Variants in JAKMIP3 observed in about 807,000 individuals in gnomAD.
JAKMIP3 encodes janus kinase and microtubule-interacting protein 3.
In JAKMIP3, 58 loss-of-function variants were observed where a neutral mutation model predicts 118.5. The ratio of observed to expected loss-of-function variants is 0.49; its 90% CI spans 0.40 to 0.61. The LOEUF (loss-of-function observed/expected upper bound fraction) is 0.61. JAKMIP3 is among the 20% of genes least tolerant of loss of function. JAKMIP3 has a pLI of 0.00. For synonymous variants in JAKMIP3, 486 were observed against 451.2 expected, an observed-to-expected ratio of 1.08 and a Z score of -0.98; for missense variants, 950 against 1,109.0, an observed-to-expected ratio of 0.86 and a Z score of 2.04.
chr10:132,107,048 TA>T (rs1402814643), intron 2 of JAKMIP3, among the ~76,000 whole-genome samples: 32 of 107,474 alleles, frequency 3.0e-4, no homozygotes, highest in Non-Finnish European at 3.6e-4. Context: ...CATGTCCGGC[TA>T]TTTTTTTTTT....
At chr10:132,096,196 C>A (rs2043836684) in intron 1 of JAKMIP3, among the ~76,000 whole-genome samples, 1 of 152,218 alleles carries the variant, frequency 6.6e-6, no homozygotes. Context: ...AAATCATGCA[C>A]AATTTTGTTT....
chr10:132,117,285 G>A lies in JAKMIP3; in HGVS notation c.344G>A (p.Arg115Gln), dbSNP rs373833963. 9.2e-5 allele frequency: 148 copies of A among 1,613,968 alleles called. No homozygotes were observed. The highest frequency in any genetic ancestry group is 1.2e-4 in the Non-Finnish European group (140 of 1,179,894). ...AAGATCAAGGACAACGAGAACCAGC[G>A]GCTGCAGGCACTGCTCAGTGCCCTG... Reference protein sequence around the residue: ...VIKIKDNENQRLQALLSALRD... With the variant: ...VIKIKDNENQQLQALLSALRD... Residue 115 changes from arginine (R) to glutamine (Q), a missense_variant, in exon 3 of 24, where the codon CGG becomes CAG. By Grantham distance (43) the Arg-to-Gln change is conservative. Transcript: ENST00000684848. This position sits in a 1 kb window ranked among gnomAD's most constrained non-coding sequence, Gnocchi z 8.6.
At chr10:132,136,658 G>A (rs2051854572) in intron 6 of JAKMIP3, among the ~76,000 whole-genome samples, 1 of 152,192 alleles carries the variant, frequency 6.6e-6, no homozygotes, top group Admixed American at 6.5e-5. Context: ...TTTTCACACT[G>A]AATTAGAGTC....
chr10:132,133,140 G>T (rs1322324833), intron 3 of JAKMIP3, among the ~76,000 whole-genome samples, 172 bp from the exon 4 acceptor site: 1 of 152,176 alleles, frequency 6.6e-6, no homozygotes, highest in African/African-American at 2.4e-5. Flanking sequence ...CCTGCTGGGA[G>T]CCCGGGTGTC....
intron 2 of JAKMIP3, among the ~76,000 whole-genome samples, chr10:132,105,275 T>C (rs1397975905): frequency 1.3e-5 from 2 of 152,254 alleles, no homozygotes; most frequent in Non-Finnish European, 2.9e-5. Flanking sequence ...GGACGCTGAC[T>C]TTCCCACTGC....
intron 2 of JAKMIP3, 145 bp downstream of exon 2, chr10:132,105,088 G>GT: frequency 1.0e-6 from 1 of 952,448 alleles, no homozygotes; most frequent in South Asian, 1.7e-5. Flanking sequence ...AGACCACTTG[G>GT]TGGGGGGTGG....
intron 9 of JAKMIP3, 134 bp downstream of exon 9, chr10:132,138,312 G>A: frequency 1.3e-6 from 1 of 787,566 alleles, no homozygotes. Flanking sequence ...CTGGGTGTGT[G>A]TGCCGAGGAC....
chr10:132,059,519 C>T (rs925191985), intron 1 of JAKMIP3, among the ~76,000 whole-genome samples: 1 of 152,264 alleles, frequency 6.6e-6, no homozygotes, highest in African/African-American at 2.4e-5. Context: ...GGAGGCCAGG[C>T]TCAGCCCTGA....
rs201875064 is a variant in JAKMIP3, at chr10:132,154,002, G to A, written c.2220+12G>A. 3.4e-5 allele frequency: 55 copies of A among 1,612,050 alleles called. No homozygotes were observed. Among genetic ancestry groups the A allele is most frequent in the East Asian group, 8.9e-5 (4 of 44,870 alleles). ...ACCAGGCCAACAAGGTGAGAGGCAC[G>A]AGACTGCTGGAACCCCGGGGAGGGG... is the stretch of plus-strand genomic sequence containing the variant. On this transcript the variant is annotated intron_variant, in intron 19 of 23. Coordinates refer to ENST00000684848, the MANE Select transcript of JAKMIP3 (RefSeq NM_001323087.2).
intron 1 of JAKMIP3, among the ~76,000 whole-genome samples, chr10:132,086,805 ACCCATTCTGCAATT>A (rs1347542488): frequency 6.6e-6 from 1 of 152,138 alleles, no homozygotes; most frequent in African/African-American, 2.4e-5. Context: ...GTGAATTCTT[ACCCATTCTGCAATT>A]CTGTATCTTT....
At chr10:132,102,638 C>T (rs8181324) in intron 1 of JAKMIP3, among the ~76,000 whole-genome samples, 62,488 of 152,010 alleles carry the variant, frequency 0.41, 13,611 homozygotes, top group African/African-American at 0.54. Flanking sequence ...TCCCAGGTGA[C>T]GGGTCACCTC....
chr10:132,177,640 C>T (rs2060283120), intron 23 of JAKMIP3, among the ~76,000 whole-genome samples: 1 of 147,096 alleles, frequency 6.8e-6, no homozygotes, highest in South Asian at 2.2e-4. Flanking sequence ...TACACTTGCT[C>T]CTGTGTCCTG....
chr10:132,121,497 G>A (rs1168293871), intron 3 of JAKMIP3, among the ~76,000 whole-genome samples: 3 of 152,222 alleles, frequency 2.0e-5, no homozygotes, highest in Non-Finnish European at 2.9e-5. Context: ...ACCGGGCCCT[G>A]GGTGAGGACG....
chr10:132,096,261 T>C (rs897759796), intron 1 of JAKMIP3, among the ~76,000 whole-genome samples: 1 of 152,276 alleles, frequency 6.6e-6, no homozygotes, highest in African/African-American at 2.4e-5. Context: ...CATAACATGC[T>C]CAGTGGTTTA....
At position 132,171,787 on chromosome 10, in the gene JAKMIP3, G is replaced by A. The variant is rs11146229; in HGVS notation, c.*1103+2754G>A. ...CTCCTGCCTCAGCCTCCCGAGTAGC[G>A]GGGATTACAGGCAGGCACCACCACA... On this transcript the variant is annotated intron_variant, in intron 23 of 23. Transcript: ENST00000684848. 0.058 allele frequency among the ~76,000 whole-genome samples: 8,727 copies of A among 151,586 alleles called. 1,072 individuals carry two copies. The East Asian group carries it at 0.58, about 10-fold the overall frequency.
At position 132,163,350 on chromosome 10, in the gene JAKMIP3, C is replaced by T. The variant is rs1219437187; in HGVS notation, c.2362C>T (p.Leu788=). ...GTGGAAGCGCCAGGTCATGAGTGAG[C>T]TGCGCGAGCGGGACGCCCAGATCCT... ...EQWKRQVMSE[L]RERDAQILRE... The change falls in exon 20 of 24, where the codon CTG becomes TTG. Residue 788 remains leucine (L), a synonymous_variant. Coordinates refer to ENST00000684848, the MANE Select transcript of JAKMIP3 (RefSeq NM_001323087.2). The T allele has an allele frequency of 6.2e-7, 1 of 1,609,530 alleles. No homozygotes were observed. The highest frequency in any genetic ancestry group is 2.2e-5 in the East Asian group (1 of 44,844).
intron 21 of JAKMIP3, among the ~76,000 whole-genome samples, chr10:132,165,750 C>T (rs563498520): frequency 6.6e-6 from 1 of 152,230 alleles, no homozygotes; most frequent in Non-Finnish European, 1.5e-5. Flanking sequence ...CCCCGCCCCT[C>T]GTAGGCGGTG....
At chr10:132,054,419 T>C (rs2038181765) in intron 1 of JAKMIP3, among the ~76,000 whole-genome samples, 1 of 151,956 alleles carries the variant, frequency 6.6e-6, no homozygotes, top group Admixed American at 6.5e-5. Context: ...TTGGTTCGTG[T>C]TTCTGGTATC....
Position 132,091,541 on chromosome 10 carries a change from T to G in JAKMIP3, c.-137-13131T>G, listed in dbSNP as rs1464593625. Among the ~76,000 whole-genome samples, 7 of 152,348 alleles carry G rather than the reference T, an allele frequency of 4.6e-5. No individual in the cohort carries two copies. The East Asian group carries it at 1.4e-3, about 29-fold the overall frequency. Reference sequence around the variant, plus strand: ...CCATTATGTAATGGTCTTCTTTGTCTCTTTTGATCTTTGTTGGTTTAAAGT... The same window carrying G: ...CCATTATGTAATGGTCTTCTTTGTCGCTTTTGATCTTTGTTGGTTTAAAGT... On this transcript the variant is annotated intron_variant, in intron 1 of 23. Coordinates refer to ENST00000684848, the MANE Select transcript of JAKMIP3 (RefSeq NM_001323087.2).
Sources: gnomAD v4.1 joint callset for allele counts (sites outside exome capture counted in the v4.1 genomes callset) on GRCh38, gnomAD v4.1.1 for gene constraint, Gnocchi (gnomAD v3.1) non-coding constraint, MANE v1.5 for transcripts, NCBI Gene and HGNC (gene_info 2026-07-23, HGNC 2026-07-21) for gene names.